The following AGBL1 variants were observed in gnomAD, a reference collection of about 807,000 sequenced individuals.
AGBL1 encodes cytosolic carboxypeptidase 4.
Under a neutral mutation model 118.9 loss-of-function variants are expected in AGBL1, and 130 were observed. That is an observed-to-expected ratio of 1.09 (90% confidence interval 0.95 to 1.26). AGBL1 has a LOEUF of 1.26. AGBL1 is among the 50% of genes most tolerant of loss of function. The pLI, the probability that AGBL1 is intolerant of heterozygous loss-of-function variation, is 0.00. For missense variants in AGBL1, 1,584 were observed against 1,298.1 expected (o/e 1.22, Z -3.38); for synonymous variants, 555 against 478.9 (o/e 1.16, Z -2.08).
chr15:86,408,424 C>T (rs918098393), intron 18 of AGBL1, among the ~76,000 whole-genome samples: 2 of 152,230 alleles, frequency 1.3e-5, no homozygotes, highest in African/African-American at 4.8e-5. Context: ...ATCATAATCT[C>T]TTCGCAGTTA....
intron 24 of AGBL1, among the ~76,000 whole-genome samples, chr15:86,992,108 C>T (rs2081341382): frequency 6.6e-6 from 1 of 152,036 alleles, no homozygotes; most frequent in Admixed American, 6.5e-5. Flanking sequence ...AGCTTCTACT[C>T]ATGGCAGAAG....
chr15:86,441,539 T>G (rs1396700535), intron 18 of AGBL1, among the ~76,000 whole-genome samples: 2 of 152,204 alleles, frequency 1.3e-5, no homozygotes, highest in Non-Finnish European at 2.9e-5. Context: ...GACATAGATA[T>G]GCTTCTAGGA....
chr15:86,456,167 C>A (rs1431226), intron 18 of AGBL1, among the ~76,000 whole-genome samples: 1 of 151,974 alleles, frequency 6.6e-6, no homozygotes, highest in African/African-American at 2.4e-5. Context: ...TAACAACAAG[C>A]AAAACAATGG....
chr15:86,502,382 A>T (rs1191367661), intron 18 of AGBL1, among the ~76,000 whole-genome samples: 2 of 151,506 alleles, frequency 1.3e-5, no homozygotes, highest in African/African-American at 4.8e-5. Flanking sequence ...TTGCAAATAA[A>T]GATAGTATTA....
rs79318825 is a variant in AGBL1, at chr15:86,428,288, G to A, written c.2555+30742G>A. Reference sequence around the variant, plus strand: ...AGTAGGACAAGAGGGAGTTCCTGTTGCTCTAGGGTGCCACCTGCAATACCT... The same window carrying A: ...AGTAGGACAAGAGGGAGTTCCTGTTACTCTAGGGTGCCACCTGCAATACCT... On this transcript the variant is annotated intron_variant, in intron 18 of 22. Coordinates refer to ENST00000614907, the MANE Select transcript of AGBL1 (RefSeq NM_001386094.1). Among the ~76,000 whole-genome samples the A allele has an allele frequency of 1.2e-3, 183 of 152,288 alleles. No homozygotes were observed. In the East Asian group the frequency reaches 0.033, roughly 27 times the overall value.
At chr15:86,261,256 G>A (rs2078977946) in intron 9 of AGBL1, among the ~76,000 whole-genome samples, 1 of 152,114 alleles carries the variant, frequency 6.6e-6, no homozygotes, top group South Asian at 2.1e-4. Context: ...CCTTCCCAGT[G>A]GCCTTCCAGG....
chr15:86,342,401 G>A (rs2080474388), intron 17 of AGBL1, among the ~76,000 whole-genome samples: 1 of 152,154 alleles, frequency 6.6e-6, no homozygotes, highest in Non-Finnish European at 1.5e-5. Context: ...GAAAATGCTG[G>A]CCTAATAACT....
intron 24 of AGBL1, among the ~76,000 whole-genome samples, chr15:87,018,434 G>A (rs1347817284): frequency 1.3e-5 from 2 of 152,064 alleles, no homozygotes; most frequent in African/African-American, 2.4e-5. Context: ...AATCCTACAA[G>A]CCAGAAGATA....
intron 18 of AGBL1, among the ~76,000 whole-genome samples, chr15:86,453,422 A>G (rs1053767460): frequency 6.6e-6 from 1 of 152,242 alleles, no homozygotes; most frequent in Non-Finnish European, 1.5e-5. Flanking sequence ...ATCATGTCTA[A>G]CATTGCTTTG....
At chr15:86,635,300 CCCTCCTCCTCCT>C (rs567443527) in intron 21 of AGBL1, among the ~76,000 whole-genome samples, 37,099 of 46,298 alleles carry the variant, frequency 0.8, 15,337 homozygotes, top group East Asian at 0.94. Flanking sequence ...CCTCCCCCTC[CCCTCCTCCTCCT>C]CCTCCTCCTC....
At chr15:86,818,208 T>G (rs2078892515) in intron 22 of AGBL1, among the ~76,000 whole-genome samples, 1 of 152,086 alleles carries the variant, frequency 6.6e-6, no homozygotes, top group African/African-American at 2.4e-5. Flanking sequence ...TTTAACACAT[T>G]TCTGTTGTTT....
downstream of AGBL1, among the ~76,000 whole-genome samples, chr15:87,030,199 G>GCA (rs1280995468): frequency 6.6e-6 from 1 of 151,828 alleles, no homozygotes; most frequent in African/African-American, 2.4e-5. Flanking sequence ...TGACATTTTA[G>GCA]CACAATATGC....
chr15:86,732,856 G>T (rs1419441847), intron 22 of AGBL1, among the ~76,000 whole-genome samples: 1 of 150,684 alleles, frequency 6.6e-6, no homozygotes, highest in Admixed American at 6.6e-5. Context: ...TAGAGAAACA[G>T]AACCAATAAG....
chr15:86,651,725 T>C (rs1487642243), intron 21 of AGBL1, among the ~76,000 whole-genome samples: 2 of 152,220 alleles, frequency 1.3e-5, no homozygotes, highest in African/African-American at 4.8e-5. Context: ...AAGTTCCAAC[T>C]ACTGATCTCT....
At chr15:86,499,735 A>G (rs1303737742) in intron 18 of AGBL1, among the ~76,000 whole-genome samples, 1 of 151,904 alleles carries the variant, frequency 6.6e-6, no homozygotes, top group Non-Finnish European at 1.5e-5. Context: ...ATTAAAGGAA[A>G]CTAAAGTTTT....
At chr15:86,389,252 A>G (rs1205614205) in intron 17 of AGBL1, among the ~76,000 whole-genome samples, 1 of 152,168 alleles carries the variant, frequency 6.6e-6, no homozygotes, top group East Asian at 1.9e-4. Flanking sequence ...AACACATACA[A>G]CAGAAAACAA....
chr15:86,674,551 G>T, intron 22 of AGBL1, 115 bp downstream of exon 22: 2 of 1,063,890 alleles, frequency 1.9e-6, no homozygotes, highest in Non-Finnish European at 1.3e-6. Context: ...AAATATGGAA[G>T]AATTCCCAAG....
chr15:86,293,020 G>C (rs910427991), intron 16 of AGBL1, among the ~76,000 whole-genome samples: 7 of 152,206 alleles, frequency 4.6e-5, no homozygotes, highest in Non-Finnish European at 8.8e-5. Context: ...CCTGAGGCTA[G>C]AGAAAGGCCA....
At chr15:86,478,379 CAA>C (rs2082594420) in intron 18 of AGBL1, among the ~76,000 whole-genome samples, 1 of 152,188 alleles carries the variant, frequency 6.6e-6, no homozygotes, top group African/African-American at 2.4e-5. Flanking sequence ...GCAACTTCAG[CAA>C]AGTCTCAGGA....
Sources: allele counts gnomAD v4.1 joint callset (sites outside exome capture counted in the v4.1 genomes callset), GRCh38; gene constraint gnomAD v4.1.1; transcripts MANE v1.5; gene names NCBI Gene and HGNC (gene_info 2026-07-23, HGNC 2026-07-21).